STAG3: variants seen among roughly 807,000 people sequenced by gnomAD.
The protein encoded by STAG3 is cohesin subunit SA-3.
STAG3 carries 101 observed loss-of-function variants against 160.7 expected under a neutral mutation model. The ratio of observed to expected loss-of-function variants is 0.63; its 90% CI spans 0.54 to 0.74. STAG3 has a LOEUF of 0.74. Among genes scored for constraint, STAG3 ranks in the 30% least tolerant of loss-of-function variants. STAG3 has a pLI of 0.00. For synonymous variants in STAG3, 519 were observed against 585.0 expected (o/e 0.89, Z 1.63); for missense variants, 1,188 against 1,517.4 (o/e 0.78, Z 3.61).
At chr7:100,187,563 G>A (rs780222674) in intron 5 of STAG3, among the ~76,000 whole-genome samples, 1 of 152,154 alleles carries the variant, frequency 6.6e-6, no homozygotes, top group East Asian at 1.9e-4. Flanking sequence ...GGTGCAGCCT[G>A]GCCCTTCATT....
At chr7:100,190,202 A>G (rs1261925902) in intron 8 of STAG3, among the ~76,000 whole-genome samples, 1 of 152,214 alleles carries the variant, frequency 6.6e-6, no homozygotes, top group African/African-American at 2.4e-5. Flanking sequence ...AAACTTAAAG[A>G]TGACCACTGG....
At position 100,211,185 on chromosome 7, in the gene STAG3, G is replaced by A; in HGVS notation, c.3413G>A (p.Gly1138Asp). ...GGCTCAGAGTTGGATTTTGCCCAGG[G>A]GTGAGGCCATGGAGGGAATCTGGGT... ...EDGSELDFAQ[G>D]SQPVAGTERS... The change falls in exon 30 of 34, where the codon GGC (glycine) becomes GAC (aspartate). Residue 1138 changes from glycine to aspartate, a missense_variant and splice_region_variant. Gly to Asp is a moderately conservative substitution (Grantham distance 94, BLOSUM62 -1). This residue lies in a region of STAG3 where 647 missense variants were observed against 717.2 expected (regional missense o/e 0.90). Transcript: ENST00000615138. 6.4e-7 allele frequency: 1 copy of A among 1,570,478 alleles called. No homozygotes were observed. The highest frequency in any genetic ancestry group is 8.6e-7 in the Non-Finnish European group (1 of 1,159,544).
At chr7:100,197,632 A>T (rs1336343851) in intron 10 of STAG3, 146 bp from the exon 11 acceptor site, 1 of 737,948 alleles carries the variant, frequency 1.4e-6, no homozygotes, top group Non-Finnish European at 2.4e-6. Context: ...ACAGCTGTTC[A>T]TTGTTTCTGA....
intron 4 of STAG3, among the ~76,000 whole-genome samples, chr7:100,185,367 T>A (rs576285621): frequency 6.6e-6 from 1 of 152,078 alleles, no homozygotes; most frequent in Non-Finnish European, 1.5e-5. Context: ...GAGGCTAAGG[T>A]GGATCTCACT....
intron 29 of STAG3, among the ~76,000 whole-genome samples, chr7:100,209,046 C>A (rs1335573884): frequency 6.6e-6 from 1 of 152,098 alleles, no homozygotes; most frequent in African/African-American, 2.4e-5. Context: ...GGGACACTTA[C>A]AAGGTGTCTC....
Position 100,201,253 on chromosome 7 carries a change from CT to C in STAG3, c.2133-10del. Reference sequence around the variant, plus strand: ...CTTTTCCAGTATAACATTCCCCTTTCTCCCCCAAAGCACTCATGACCTGACT... The same window carrying C: ...CTTTTCCAGTATAACATTCCCCTTTCCCCCCAAAGCACTCATGACCTGACT... On this transcript the variant is annotated splice_polypyrimidine_tract_variant and intron_variant, in intron 20 of 33. Transcript: ENST00000615138. 6.2e-7 allele frequency: 1 copy of C among 1,614,130 alleles called. No homozygotes were observed. Among genetic ancestry groups the C allele is most frequent in the Non-Finnish European group, 8.5e-7 (1 of 1,179,984 alleles).
intron 2 of STAG3, 44 bp downstream of exon 2, chr7:100,180,716 C>A: frequency 1.7e-6 from 2 of 1,198,024 alleles, no homozygotes; most frequent in Non-Finnish European, 2.5e-6. Flanking sequence ...GTGTCCCTGG[C>A]AGCCTTCCCC....
Position 100,213,321 on chromosome 7 carries a change from G to A in STAG3, c.3601-414G>A, listed in dbSNP as rs534885379. On this transcript the variant is annotated intron_variant, in intron 32 of 33. Coordinates refer to ENST00000615138, the MANE Select transcript of STAG3 (RefSeq NM_001282717.2). The stretch of plus-strand genomic sequence containing the variant: ...AGATATTCAGTCCATTACAGGCTGC[G>A]TATCTTCTGCTGTTATTCTTCTGTT... The A allele has an allele frequency of 1.1e-4, 107 of 985,356 alleles. 1 individual carries two copies. The highest frequency in any genetic ancestry group is 9.4e-4 in the South Asian group (20 of 21,288). 61.0% of individuals were successfully genotyped at this position (985,356 alleles called of 1,614,324 possible).
rs1802578072 is a variant in STAG3 at position 100,214,342 on chromosome 7, T to G, written c.*327T>G. ...TTGGAACATCTTTCTCAGCCTATTT[T>G]GTGTCCTAATGATTCGCTCAATAAA... is the stretch of plus-strand genomic sequence containing the variant. On this transcript the variant is annotated 3_prime_UTR_variant, in exon 34 of 34. Transcript: ENST00000615138. 1 of 409,984 alleles carries G rather than the reference T, an allele frequency of 2.4e-6. No individual in the cohort carries two copies. The allele number at this position is 409,984 out of a possible 1,614,324, so 25.4% of individuals were successfully genotyped here.
chr7:100,184,668 G>C (rs567992147), intron 4 of STAG3, among the ~76,000 whole-genome samples: 5 of 151,660 alleles, frequency 3.3e-5, no homozygotes, highest in African/African-American at 1.2e-4. Flanking sequence ...GGGTTTCACC[G>C]TGTTGGCCGG....
intron 1 of STAG3, among the ~76,000 whole-genome samples, chr7:100,178,678 G>A (rs909326060): frequency 6.7e-6 from 1 of 149,924 alleles, no homozygotes; most frequent in Non-Finnish European, 1.5e-5. Flanking sequence ...CTCCCGCTTC[G>A]CCCTCCCAAA....
intron 31 of STAG3, 70 bp downstream of exon 31, chr7:100,211,609 A>G: frequency 6.5e-7 from 1 of 1,544,598 alleles, no homozygotes; most frequent in Non-Finnish European, 8.9e-7. Flanking sequence ...TTCCTGTCTC[A>G]CCCATTGCCT....
intron 32 of STAG3, 189 bp downstream of exon 32, chr7:100,212,065 GGAAAA>G: frequency 1.9e-6 from 1 of 526,442 alleles, no homozygotes; most frequent in Non-Finnish European, 3.3e-6. Context: ...TAAAGAATAA[GGAAAA>G]GAAATTACAA....
chr7:100,207,848 G>A lies in STAG3; in HGVS notation c.3238+2464G>A, dbSNP rs1332063675. On this transcript the variant is annotated intron_variant, in intron 29 of 33. Coordinates refer to ENST00000615138, the MANE Select transcript of STAG3 (RefSeq NM_001282717.2). The surrounding 1 kb of genome is among the most constrained non-coding windows in gnomAD (Gnocchi z 4.0). ...AGTTATAGTTTTAGCCGGGCATGGT[G>A]GCTCACGCCTGTAATCCCAGCACTT... is the stretch of plus-strand genomic sequence containing the variant. Among the ~76,000 whole-genome samples the A allele has an allele frequency of 6.6e-6, 1 of 152,208 alleles. No homozygotes were observed. The highest frequency in any genetic ancestry group is 2.4e-5 in the African/African-American group (1 of 41,444).
chr7:100,213,738 G>A lies in STAG3; in HGVS notation c.3604G>A (p.Ala1202Thr). Reference protein sequence around the residue: ...NEERQDTDMQASSYSSTSERG... With the variant: ...NEERQDTDMQTSSYSSTSERG... ...CTTTTAACCTCATTCTCTCTAGCAA[G>A]CAAGTAGCTACTCTTCCACCAGTGA... The change falls in exon 33 of 34, where the codon GCA becomes ACA. Residue 1202 changes from alanine (A) to threonine (T), a missense_variant. Physicochemically the swap from Ala to Thr is moderately conservative, Grantham distance 58. Transcript: ENST00000615138. The A allele has an allele frequency of 6.2e-7, 1 of 1,614,210 alleles. No homozygotes were observed.
chr7:100,201,910 G>A (rs1233892882), intron 22 of STAG3, 39 bp from the exon 23 acceptor site: 23 of 1,613,950 alleles, frequency 1.4e-5, no homozygotes, highest in Non-Finnish European at 1.9e-5. Flanking sequence ...AGAGGAGTCT[G>A]TGTCTTCATT....
At position 100,214,132 on chromosome 7, in the gene STAG3, T is replaced by G; in HGVS notation, c.*117T>G. 7.1e-7 allele frequency: 1 copy of G among 1,398,912 alleles called. No individual in the cohort carries two copies. Among genetic ancestry groups the G allele is most frequent in the African/African-American group, 1.4e-5 (1 of 70,032 alleles). The allele number at this position is 1,398,912 out of a possible 1,614,324, so 86.7% of individuals were successfully genotyped here. A position where few individuals can be genotyped will look rare whatever the true frequency, so the allele number is the denominator to read the frequency against. On this transcript the variant is annotated 3_prime_UTR_variant, in exon 34 of 34. Coordinates refer to ENST00000615138, the MANE Select transcript of STAG3 (RefSeq NM_001282717.2). ...TCCCCCAGGCTTCAGCCCTGGGCTCTGAGGGGAAAGAGTTGGGCATTGTTT... is the reference window on the plus strand; with the variant it reads ...TCCCCCAGGCTTCAGCCCTGGGCTCGGAGGGGAAAGAGTTGGGCATTGTTT...
rs1317257104 is a variant in STAG3 at position 100,197,842 on chromosome 7, C to T, written c.1130C>T (p.Thr377Ile). The T allele has an allele frequency of 3.1e-6, 5 of 1,613,792 alleles. No individual in the cohort carries two copies. Among genetic ancestry groups the T allele is most frequent in the Non-Finnish European group, 3.4e-6 (4 of 1,179,996 alleles). The part of the protein sequence containing the change: ...LKGLYGNRDL[T>I]TRLELFTSRF... The stretch of plus-strand genomic sequence containing the variant: ...GGGCTGTACGGTAACCGGGACCTGA[C>T]CACACGCCTGGAGCTCTTCACCAGC... The change falls in exon 11 of 34, where the codon ACC becomes ATC. Residue 377 changes from threonine to isoleucine, a missense_variant. Thr to Ile is a moderately conservative substitution (Grantham distance 89, BLOSUM62 -1). Coordinates refer to ENST00000615138, the MANE Select transcript of STAG3 (RefSeq NM_001282717.2).
intron 5 of STAG3, 46 bp from the exon 6 acceptor site, chr7:100,188,407 A>G (rs1800159091): frequency 8.1e-7 from 1 of 1,231,666 alleles, no homozygotes; most frequent in Non-Finnish European, 1.2e-6. Context: ...TGATCAAAGC[A>G]TCCTGTTATT....
Sources: allele counts gnomAD v4.1 joint callset (sites outside exome capture counted in the v4.1 genomes callset), GRCh38; gene constraint gnomAD v4.1.1; regional missense constraint gnomAD v4.1.1; non-coding constraint Gnocchi (gnomAD v3.1); transcripts MANE v1.5; gene names NCBI Gene and HGNC (gene_info 2026-07-23, HGNC 2026-07-21).